Variants in PCDHGA2 observed in about 807,000 individuals in gnomAD.
The protein encoded by PCDHGA2 is protocadherin gamma-A2.
PCDHGA2 carries 40 observed loss-of-function variants against 59.2 expected under a neutral mutation model. The ratio of observed to expected loss-of-function variants is 0.68; its 90% CI spans 0.52 to 0.88. The LOEUF (loss-of-function observed/expected upper bound fraction) is 0.88. PCDHGA2 is among the 40% of genes least tolerant of loss of function. The pLI, the probability that PCDHGA2 is intolerant of heterozygous loss-of-function variation, is 0.00. For missense variants in PCDHGA2, 1,226 were observed against 1,204.0 expected, an observed-to-expected ratio of 1.02 and a Z score of -0.27; for synonymous variants, 560 against 526.0, an observed-to-expected ratio of 1.06 and a Z score of -0.89.
intron 1 of PCDHGA2, chr5:141,430,875 T>C: frequency 6.3e-7 from 1 of 1,599,398 alleles, no homozygotes; most frequent in Non-Finnish European, 8.5e-7. Context: ...CCGGAAGAGC[T>C]GGAGAAAGGC....
chr5:141,511,062 C>T lies in PCDHGA2; in HGVS notation c.2688C>T (p.Tyr896=), dbSNP rs775583963. The change falls in exon 4 of 4, where the codon TAC becomes TAT. Residue 896 remains tyrosine, a synonymous_variant. Transcript: ENST00000394576. ...TGCCCGACTACCGCCAGAATGTCTACATCCCAGGCAGCAATGCCACACTGA... is the reference window on the plus strand; with the variant it reads ...TGCCCGACTACCGCCAGAATGTCTATATCCCAGGCAGCAATGCCACACTGA... ...QHVPDYRQNV[Y]IPGSNATLTN... The T allele has an allele frequency of 6.2e-7, 1 of 1,614,246 alleles. No homozygotes were observed. The highest frequency in any genetic ancestry group is 1.3e-5 in the African/African-American group (1 of 75,064).
intron 1 of PCDHGA2, chr5:141,422,866 G>C: frequency 1.2e-6 from 2 of 1,614,216 alleles, no homozygotes; most frequent in Non-Finnish European, 8.5e-7. Context: ...CAGCAGCAAC[G>C]TGTCGCTGAG....
chr5:141,389,126 A>G, intron 1 of PCDHGA2: 1 of 1,614,034 alleles, frequency 6.2e-7, no homozygotes, highest in South Asian at 1.1e-5. Context: ...AGCAGAATCC[A>G]GAGTACAATA....
chr5:141,387,827 A>G (rs2091110263), intron 1 of PCDHGA2: 2 of 1,585,958 alleles, frequency 1.3e-6, no homozygotes, highest in Non-Finnish European at 8.6e-7. Flanking sequence ...TGCAATACAG[A>G]GGTTATTTGT....
In PCDHGA2 at chr5:141,457,578, C is replaced by T. The variant is rs538068150; in HGVS notation, c.2425-37229C>T. Among the ~76,000 whole-genome samples, 38 of 152,304 alleles carry T rather than the reference C, an allele frequency of 2.5e-4. No individual in the cohort carries two copies. The South Asian group carries it at 7.7e-3, about 31-fold the overall frequency. ...AGCTTTGGAGCAAAATTTTTCTCTC[C>T]AGTCCTCATTTTTGGTAAAAACTAA... On this transcript the variant is annotated intron_variant, in intron 1 of 3. Coordinates refer to ENST00000394576, the MANE Select transcript of PCDHGA2 (RefSeq NM_018915.4).
chr5:141,413,077 G>A (rs2095603422), intron 1 of PCDHGA2: 1 of 1,287,542 alleles, frequency 7.8e-7, no homozygotes, highest in African/African-American at 1.5e-5. Context: ...AAGTGCCCAG[G>A]CTACAGAGAC....
chr5:141,409,600 G>A (rs778681839), intron 1 of PCDHGA2: 1 of 1,613,764 alleles, frequency 6.2e-7, no homozygotes. Context: ...AGAACAACCC[G>A]CCAGGAGCCT....
chr5:141,472,928 G>A (rs926768431), intron 1 of PCDHGA2, among the ~76,000 whole-genome samples: 13 of 150,136 alleles, frequency 8.7e-5, no homozygotes, highest in Admixed American at 2.7e-4. Flanking sequence ...GGAGGTTGTG[G>A]TGAGCCAAGA....
rs1190379074 is a variant in PCDHGA2 at position 141,352,458 on chromosome 5, C to T, written c.2424+11063C>T. On this transcript the variant is annotated intron_variant, in intron 1 of 3. Coordinates refer to ENST00000394576, the MANE Select transcript of PCDHGA2 (RefSeq NM_018915.4). ...ACCGGTCTCTGCTCCAAGTCTGGGC[C>T]CGGGGTTCCTCCCAACCACAGCGAG... The T allele has an allele frequency of 3.1e-6, 5 of 1,613,938 alleles. No individual in the cohort carries two copies. The African/African-American group carries it at 6.7e-5, about 22-fold the overall frequency.
intron 1 of PCDHGA2, among the ~76,000 whole-genome samples, chr5:141,473,431 G>C (rs541546681): frequency 6.6e-6 from 1 of 152,148 alleles, no homozygotes; most frequent in South Asian, 2.1e-4. Context: ...CAGATACTTT[G>C]CTTATGCAAA....
At position 141,361,919 on chromosome 5, in the gene PCDHGA2, A is replaced by T. The variant is rs947072299; in HGVS notation, c.2424+20524A>T. The T allele has an allele frequency of 6.0e-5, 97 of 1,607,890 alleles. No individual in the cohort carries two copies. Among genetic ancestry groups the T allele is most frequent in the Non-Finnish European group, 7.7e-5 (91 of 1,179,054 alleles). On this transcript the variant is annotated intron_variant, in intron 1 of 3. Transcript: ENST00000394576. ...CTGGTGACCAAGGTGGTGGCGGTGGACGCAGACTCAGGACACAACGCTTGG... is the reference window on the plus strand; with the variant it reads ...CTGGTGACCAAGGTGGTGGCGGTGGTCGCAGACTCAGGACACAACGCTTGG...
chr5:141,362,401 G>A, intron 1 of PCDHGA2: 2 of 1,614,028 alleles, frequency 1.2e-6, no homozygotes, highest in Middle Eastern at 1.6e-4. Flanking sequence ...CAACCTGTGT[G>A]TTGCCTCACA....
Position 141,491,844 on chromosome 5 carries a change from G to A in PCDHGA2, c.2425-2963G>A. On this transcript the variant is annotated intron_variant, in intron 1 of 3. Transcript: ENST00000394576. The surrounding 1 kb of genome is among the most constrained non-coding windows in gnomAD (Gnocchi z 6.9). ...GCTCCACCCGATTCTCGGGATCATT[G>A]GACCGTTTGCGCGAAACCAGAGTGG... 1 of 1,464,184 alleles carries A rather than the reference G, an allele frequency of 6.8e-7. No homozygotes were observed. 90.7% of individuals were successfully genotyped at this position (1,464,184 alleles called of 1,614,324 possible).
chr5:141,422,997 C>G, intron 1 of PCDHGA2: 1 of 1,614,218 alleles, frequency 6.2e-7, no homozygotes, highest in South Asian at 1.1e-5. Flanking sequence ...ACCTGGTGAC[C>G]AAGGTGGTTG....
At position 141,490,960 on chromosome 5, in the gene PCDHGA2, T is replaced by G. The variant is rs1384140919; in HGVS notation, c.2425-3847T>G. 1.9e-6 allele frequency: 3 copies of G among 1,613,794 alleles called. No individual in the cohort carries two copies. In the Admixed American group the frequency reaches 5.0e-5, roughly 27 times the overall value. On this transcript the variant is annotated intron_variant, in intron 1 of 3. Transcript: ENST00000394576. The surrounding 1 kb of genome is among the most constrained non-coding windows in gnomAD (Gnocchi z 5.4). ...GCACCCACGGCCAGACTGGGAACAC[T>G]CAGCCCCCCAGCGTCTCCCTCGCTC...
chr5:141,383,435 C>T (rs749433529), intron 1 of PCDHGA2: 1 of 1,613,988 alleles, frequency 6.2e-7, no homozygotes, highest in Non-Finnish European at 8.5e-7. Context: ...CGCCACTTCT[C>T]CCTGGCTGTG....
At chr5:141,366,181 T>C (rs1310080502) in intron 1 of PCDHGA2, 4 of 1,613,836 alleles carry the variant, frequency 2.5e-6, no homozygotes, top group African/African-American at 1.3e-5. Context: ...CAGGACTCTT[T>C]GCGGTTGGGC....
At chr5:141,361,246 A>G in intron 1 of PCDHGA2, 2 of 1,613,980 alleles carry the variant, frequency 1.2e-6, no homozygotes, top group Non-Finnish European at 1.7e-6. Flanking sequence ...CTTGATAAAA[A>G]CGAGAGACAG....
chr5:141,463,616 T>C (rs941383375), intron 1 of PCDHGA2, among the ~76,000 whole-genome samples: 28 of 151,762 alleles, frequency 1.8e-4, no homozygotes, highest in Non-Finnish European at 2.1e-4. Flanking sequence ...GCCCGGCTAA[T>C]TTTTTGTATT....
Sources: gnomAD v4.1 joint callset for allele counts (sites outside exome capture counted in the v4.1 genomes callset) on GRCh38, gnomAD v4.1.1 for gene constraint, Gnocchi (gnomAD v3.1) non-coding constraint, MANE v1.5 for transcripts, NCBI Gene and HGNC (gene_info 2026-07-23, HGNC 2026-07-21) for gene names.